The following RC3H2 variants were observed in gnomAD, a reference collection of about 807,000 sequenced individuals.
RC3H2 encodes ring finger and CCCH-type domains 2, also known as roquin-2.
RC3H2 carries 31 observed loss-of-function variants against 133.3 expected under a neutral mutation model. That is an observed-to-expected ratio of 0.23 (90% confidence interval 0.17 to 0.31). RC3H2 has a LOEUF of 0.31. Ranked by LOEUF, RC3H2 falls within the 10% of genes least tolerant of loss-of-function variation. The pLI is 1.00. For missense variants in RC3H2, 1,175 were observed against 1,437.2 expected (o/e 0.82, Z 2.95); for synonymous variants, 517 against 502.2 (o/e 1.03, Z -0.40).
intron 5 of RC3H2, among the ~76,000 whole-genome samples, chr9:122,881,612 C>G (rs1831638231): frequency 6.6e-6 from 1 of 151,970 alleles, no homozygotes; most frequent in African/African-American, 2.4e-5. Context: ...TATACTACGG[C>G]AGGGAATTTG....
chr9:122,852,106 G>A (rs997369845), intron 18 of RC3H2, among the ~76,000 whole-genome samples: 4 of 149,756 alleles, frequency 2.7e-5, no homozygotes, highest in Non-Finnish European at 5.9e-5. Context: ...GTCTCTGCCC[G>A]GCCGCCCGTC....
At chr9:122,896,474 T>C (rs894187125) in intron 2 of RC3H2, among the ~76,000 whole-genome samples, 4 of 152,222 alleles carry the variant, frequency 2.6e-5, no homozygotes, top group Non-Finnish European at 5.9e-5. Context: ...ATATCACTTA[T>C]ATACATAAAT....
intron 4 of RC3H2, among the ~76,000 whole-genome samples, chr9:122,886,563 T>C (rs899090958): frequency 2.0e-5 from 3 of 152,222 alleles, no homozygotes; most frequent in Non-Finnish European, 2.9e-5. Context: ...TTAAAAATTA[T>C]GGCCACTCCC....
intron 2 of RC3H2, among the ~76,000 whole-genome samples, chr9:122,896,657 A>G (rs530887246): frequency 2.0e-4 from 30 of 152,296 alleles, no homozygotes; most frequent in Admixed American, 5.2e-4. Flanking sequence ...ATTACTGAAT[A>G]AAGTTCAATA....
chr9:122,851,822 G>A (rs1830034419), intron 18 of RC3H2, among the ~76,000 whole-genome samples: 1 of 152,256 alleles, frequency 6.6e-6, no homozygotes, highest in Non-Finnish European at 1.5e-5. Flanking sequence ...AGGCTGGAGT[G>A]CAGTGGCGTG....
intron 14 of RC3H2, 152 bp from the exon 15 acceptor site, chr9:122,855,549 C>T (rs937853287): frequency 3.2e-6 from 3 of 936,122 alleles, no homozygotes; most frequent in Non-Finnish European, 3.1e-6. Flanking sequence ...CAGTAAACCA[C>T]CAATGTTCAA....
At chr9:122,860,240 C>G in intron 10 of RC3H2, 109 bp from the exon 11 acceptor site, 1 of 775,592 alleles carries the variant, frequency 1.3e-6, no homozygotes, top group Non-Finnish European at 2.1e-6. Context: ...ATAGAAAACA[C>G]TTCAGACATT....
chr9:122,871,238 C>T (rs1293930742), intron 9 of RC3H2, among the ~76,000 whole-genome samples: 1 of 152,152 alleles, frequency 6.6e-6, no homozygotes, highest in Non-Finnish European at 1.5e-5. Context: ...TAAGACTTCA[C>T]TGAGGTAATT....
rs747088439 is a variant in RC3H2, at chr9:122,849,749, T to C, written c.3454A>G (p.Ser1152Gly). The stretch of plus-strand genomic sequence containing the variant: ...ACAGATGTGGTGATGGGGAGGCAAC[T>C]TGCATTGCTAATAGACACTGGGAGT... ...QPLPVSISNASCLPITTSVSA... is the reference protein window; with the variant it reads ...QPLPVSISNAGCLPITTSVSA... Residue 1152 changes from serine to glycine, a missense_variant, in exon 21 of 21, where the codon AGT becomes GGT. Physicochemically the swap from Ser to Gly is moderately conservative, Grantham distance 56 (BLOSUM62 0). This residue lies in a region of RC3H2 where 220 missense variants were observed against 201.1 expected (regional missense o/e 1.09). Transcript: ENST00000357244. The C allele has an allele frequency of 1.4e-5, 23 of 1,608,996 alleles. No individual in the cohort carries two copies. The highest frequency in any genetic ancestry group is 1.9e-5 in the Non-Finnish European group (22 of 1,177,442).
In RC3H2 at chr9:122,844,972, A is replaced by T. The variant is rs1829839219; in HGVS notation, c.*4655T>A. On this transcript the variant is annotated 3_prime_UTR_variant, in exon 21 of 21. Coordinates refer to ENST00000357244, the MANE Select transcript of RC3H2 (RefSeq NM_001100588.3). ...TAAATAGAAGCTGAGTATATGCCTT[A>T]AAAATGAGCATTAAATCCATCTTAG... 2 of 152,254 alleles carry T rather than the reference A, an allele frequency of 1.3e-5. No individual in the cohort carries two copies. The highest frequency in any genetic ancestry group is 1.3e-4 in the Admixed American group (2 of 15,288). 9.4% of individuals were successfully genotyped at this position (152,254 alleles called of 1,614,324 possible). A position where few individuals can be genotyped will look rare whatever the true frequency, so the allele number is the denominator to read the frequency against.
intron 18 of RC3H2, among the ~76,000 whole-genome samples, chr9:122,853,522 C>T (rs930103154): frequency 1.3e-5 from 2 of 152,066 alleles, no homozygotes; most frequent in African/African-American, 2.4e-5. Context: ...GAAGGTGAGG[C>T]GAGCAGATCA....
chr9:122,880,520 G>C (rs998696794), intron 6 of RC3H2, 74 bp downstream of exon 6: 4 of 1,150,730 alleles, frequency 3.5e-6, no homozygotes, highest in Middle Eastern at 2.0e-4. Flanking sequence ...TTTGTGTATA[G>C]ACTCTTTAGA....
chr9:122,899,740 A>C (rs1832583156), intron 1 of RC3H2, among the ~76,000 whole-genome samples: 1 of 152,244 alleles, frequency 6.6e-6, no homozygotes, highest in Admixed American at 6.5e-5. Context: ...GCCTTTGAGG[A>C]AGAATGAATT....
chr9:122,878,513 G>A (rs919718051), intron 8 of RC3H2, among the ~76,000 whole-genome samples: 6 of 151,726 alleles, frequency 4.0e-5, no homozygotes, highest in Admixed American at 1.3e-4. Flanking sequence ...CTTGTGATCC[G>A]CCCGCCTCAG....
rs1165774972 is a variant in RC3H2, at chr9:122,847,122, A to G, written c.*2505T>C. 1 of 152,168 alleles carries G rather than the reference A, an allele frequency of 6.6e-6. No individual in the cohort carries two copies. Among genetic ancestry groups the G allele is most frequent in the Non-Finnish European group, 1.5e-5 (1 of 68,000 alleles). The allele number at this position is 152,168 out of a possible 1,614,324, so 9.4% of individuals were successfully genotyped here. ...AATATAAATGTTCTGAGACATACCAATAAGGTTGGCAGGTATATACATATA... is the reference window on the plus strand; with the variant it reads ...AATATAAATGTTCTGAGACATACCAGTAAGGTTGGCAGGTATATACATATA... On this transcript the variant is annotated 3_prime_UTR_variant, in exon 21 of 21. Coordinates refer to ENST00000357244, the MANE Select transcript of RC3H2 (RefSeq NM_001100588.3).
intron 3 of RC3H2, among the ~76,000 whole-genome samples, chr9:122,891,083 A>C (rs1490417248): frequency 7.2e-6 from 1 of 139,758 alleles, no homozygotes; most frequent in East Asian, 2.0e-4. Flanking sequence ...GCAGTGGCAC[A>C]ATCTCAGCTC....
rs1831497877 is a variant in RC3H2 at position 122,879,379 on chromosome 9, G to A, written c.1212+376C>T. On this transcript the variant is annotated intron_variant, in intron 8 of 20. Coordinates refer to ENST00000357244, the MANE Select transcript of RC3H2 (RefSeq NM_001100588.3). ...ACTGCACTCCAGCCTGGGTGACAGA[G>A]TGAGACTTTGTCTAAAAAAAAAAGA... 2.6e-5 allele frequency among the ~76,000 whole-genome samples: 4 copies of A among 151,620 alleles called. No homozygotes were observed. The South Asian group carries it at 6.2e-4, about 24-fold the overall frequency.
At chr9:122,904,901 C>G (rs1053373977) in intron 1 of RC3H2, among the ~76,000 whole-genome samples, 3 of 152,178 alleles carry the variant, frequency 2.0e-5, no homozygotes, top group African/African-American at 7.2e-5. Flanking sequence ...GCCGGTCGCT[C>G]CGCATCGAAA....
chr9:122,896,831 T>C (rs1176514299), intron 2 of RC3H2, among the ~76,000 whole-genome samples: 5 of 151,850 alleles, frequency 3.3e-5, no homozygotes, highest in Non-Finnish European at 7.4e-5. Flanking sequence ...CAGACCAGCC[T>C]GGCCAACATA....
Sources: gnomAD v4.1 joint callset for allele counts (sites outside exome capture counted in the v4.1 genomes callset) on GRCh38, gnomAD v4.1.1 for gene constraint, gnomAD v4.1.1 regional missense constraint, MANE v1.5 for transcripts, NCBI Gene and HGNC (gene_info 2026-07-23, HGNC 2026-07-21) for gene names.